Variants in COL18A1 observed in about 807,000 individuals in gnomAD.
The protein encoded by COL18A1 is collagen type XVIII alpha 1 chain.
Under a neutral mutation model 168.0 loss-of-function variants are expected in COL18A1, and 133 were observed. The ratio of observed to expected loss-of-function variants is 0.79; its 90% CI spans 0.69 to 0.91. The LOEUF is 0.91. Ranked by LOEUF, COL18A1 falls within the 40% of genes least tolerant of loss-of-function variation. The pLI is 0.00. For missense variants in COL18A1, 2,126 were observed against 1,925.4 expected (o/e 1.10, Z -1.95); for synonymous variants, 949 against 809.0 (o/e 1.17, Z -2.94).
chr21:45,510,688 C>T (rs1466359250), intron 40 of COL18A1, among the ~76,000 whole-genome samples: 1 of 152,198 alleles, frequency 6.6e-6, no homozygotes, highest in Non-Finnish European at 1.5e-5. Flanking sequence ...TTCTGTGGCC[C>T]CTTTTCGTGC....
intron 2 of COL18A1, among the ~76,000 whole-genome samples, chr21:45,415,643 G>A (rs532273696): frequency 1.4e-4 from 22 of 152,304 alleles, no homozygotes; most frequent in Admixed American, 7.2e-4. Flanking sequence ...AAGTGCAGGC[G>A]GTGCCATTGA....
At position 45,509,584 on chromosome 21, in the gene COL18A1, C is replaced by A; in HGVS notation, c.3478C>A (p.Arg1160Ser). Residue 1160 changes from arginine to serine, a missense_variant, in exon 39 of 42, where the codon CGC (arginine) becomes AGC (serine). Arg to Ser is a moderately radical substitution (Grantham distance 110). Coordinates refer to ENST00000651438, the MANE Select transcript of COL18A1 (RefSeq NM_001379500.1). The stretch of plus-strand genomic sequence containing the variant: ...CACAAGCCCACCCGCCCACAGCCAC[C>A]GCGACTTCCAGCCGGTGGTGAGTGC... ...RPTSPPAHSH[R>S]DFQPVLHLVA... is the part of the protein sequence containing the mutation. 1 of 1,518,638 alleles carries A rather than the reference C, an allele frequency of 6.6e-7. No homozygotes were observed. The highest frequency in any genetic ancestry group is 1.4e-5 in the African/African-American group (1 of 71,824). The allele number at this position is 1,518,638 out of a possible 1,614,324, so 94.1% of individuals were successfully genotyped here. A position where few individuals can be genotyped will look rare whatever the true frequency, so the allele number is the denominator to read the frequency against.
chr21:45,494,338 T>A, intron 26 of COL18A1: 27 of 589,276 alleles, frequency 4.6e-5, no homozygotes, highest in East Asian at 7.2e-5. Flanking sequence ...GACCCTCCCC[T>A]CACCAGTGGC....
At chr21:45,454,179 G>C (rs1054221235) in intron 2 of COL18A1, among the ~76,000 whole-genome samples, 2 of 152,192 alleles carry the variant, frequency 1.3e-5, no homozygotes, top group African/African-American at 4.8e-5. Flanking sequence ...TGGAATGCCT[G>C]CGCCTGCCCT....
intron 29 of COL18A1, chr21:45,495,773 A>G (rs2036516926): frequency 1.4e-5 from 5 of 363,096 alleles, no homozygotes; most frequent in South Asian, 9.0e-5. Flanking sequence ...TACACTCCAC[A>G]TAGGTGCACA....
Position 45,435,800 on chromosome 21 carries a change from G to A in COL18A1, c.106+30327G>A, listed in dbSNP as rs578083844. The stretch of plus-strand genomic sequence containing the variant: ...CGTCCCCCCGGCGCTCCCTGGCACA[G>A]GTCTGCTCGGAGGGTGTCGGCCTCC... On this transcript the variant is annotated intron_variant, in intron 2 of 41. Transcript: ENST00000651438. Among the ~76,000 whole-genome samples, 8 of 152,188 alleles carry A rather than the reference G, an allele frequency of 5.3e-5. No individual in the cohort carries two copies. The South Asian group carries it at 8.3e-4, about 16-fold the overall frequency.
rs191733882 is a variant in COL18A1, at chr21:45,453,439, G to A, written c.107-14803G>A. Among the ~76,000 whole-genome samples the A allele has an allele frequency of 1.0e-3, 159 of 152,330 alleles. 1 individual carries two copies. Among genetic ancestry groups the A allele is most frequent in the Non-Finnish European group, 1.9e-3 (128 of 68,026 alleles). ...TGAGCATGTGCGTACACATGCGTGCGTTTGAGTGATGATGTGAGGAGGCTT... is the reference window on the plus strand; with the variant it reads ...TGAGCATGTGCGTACACATGCGTGCATTTGAGTGATGATGTGAGGAGGCTT... On this transcript the variant is annotated intron_variant, in intron 2 of 41. Transcript: ENST00000651438.
intron 16 of COL18A1, 100 bp from the exon 17 acceptor site, chr21:45,487,347 A>C: frequency 1.4e-6 from 2 of 1,413,488 alleles, no homozygotes; most frequent in Non-Finnish European, 9.8e-7. Flanking sequence ...CCGTGGCCCC[A>C]AAGCATGTCC....
chr21:45,412,235 T>TC (rs2033319643), intron 2 of COL18A1, among the ~76,000 whole-genome samples: 1 of 133,838 alleles, frequency 7.5e-6, no homozygotes, highest in Non-Finnish European at 1.6e-5. Context: ...GGGGGTATAT[T>TC]TCTTTTTTTT....
chr21:45,456,487 C>T (rs1245690868), intron 2 of COL18A1: 2 of 1,548,002 alleles, frequency 1.3e-6, no homozygotes, highest in Non-Finnish European at 1.7e-6. Context: ...TTGCTAATAA[C>T]TCTGCCCTGC....
chr21:45,505,149 A>G lies in COL18A1; in HGVS notation c.2884A>G (p.Ser962Gly). ...YPGIPGPKGE[S>G]IRGQPGPPGP... ...CCGTCCGTAGGGTCCCAAGGGAGAG[A>G]GCATCCGGGGCCAGCCCGGCCCACC... The change falls in exon 35 of 42, where the codon AGC becomes GGC. Residue 962 changes from serine to glycine, a missense_variant. Transcript: ENST00000651438. 1.2e-6 allele frequency: 2 copies of G among 1,609,216 alleles called. No individual in the cohort carries two copies. Among genetic ancestry groups the G allele is most frequent in the Non-Finnish European group, 1.7e-6 (2 of 1,178,724 alleles).
intron 37 of COL18A1, chr21:45,506,752 T>TCCCACCTTCCCTCTAGCATG (rs1568945730): frequency 3.5e-5 from 1 of 28,906 alleles, no homozygotes; most frequent in African/African-American, 1.9e-4. Context: ...TCTAGAGCCC[T>TCCCACCTTCCCTCTAGCATG]CCCACCTTCC....
At position 45,495,821 on chromosome 21, in the gene COL18A1, G is replaced by A. The variant is rs1199278389; in HGVS notation, c.2508+389G>A. 18 of 335,310 alleles carry A rather than the reference G, an allele frequency of 5.4e-5. No individual in the cohort carries two copies. The Admixed American group carries it at 5.7e-4, about 11-fold the overall frequency. 20.8% of individuals were successfully genotyped at this position (335,310 alleles called of 1,614,324 possible). Reference sequence around the variant, plus strand: ...TTCATGCATATACGAGCCTGTCCACGTGCACACCCATACAGGTATATACAT... The same window carrying A: ...TTCATGCATATACGAGCCTGTCCACATGCACACCCATACAGGTATATACAT... On this transcript the variant is annotated intron_variant, in intron 29 of 41. Coordinates refer to ENST00000651438, the MANE Select transcript of COL18A1 (RefSeq NM_001379500.1).
intron 32 of COL18A1, among the ~76,000 whole-genome samples, chr21:45,499,657 G>C (rs1395734625): frequency 6.6e-6 from 1 of 151,972 alleles, no homozygotes; most frequent in African/African-American, 2.4e-5. Flanking sequence ...GTGTCCCATC[G>C]TCAGTGCAAT....
At chr21:45,416,116 G>A (rs866539674) in intron 2 of COL18A1, among the ~76,000 whole-genome samples, 1 of 152,226 alleles carries the variant, frequency 6.6e-6, no homozygotes, top group South Asian at 2.1e-4. Flanking sequence ...GGCCCTTCCT[G>A]TGGGGCCCGT....
At chr21:45,416,352 G>C (rs575869986) in intron 2 of COL18A1, among the ~76,000 whole-genome samples, 1 of 152,134 alleles carries the variant, frequency 6.6e-6, no homozygotes, top group Admixed American at 6.5e-5. Context: ...AACTGGGGCC[G>C]GTGTGGGGGT....
intron 3 of COL18A1, among the ~76,000 whole-genome samples, chr21:45,470,343 C>T (rs2035365371): frequency 1.3e-5 from 2 of 150,866 alleles, no homozygotes; most frequent in African/African-American, 4.9e-5. Flanking sequence ...TATACAAACT[C>T]CTTATCTTTA....
rs1392844393 is a variant in COL18A1 at position 45,495,354 on chromosome 21, C to G, written c.2434-4C>G. The G allele has an allele frequency of 2.1e-5, 33 of 1,606,654 alleles. No homozygotes were observed. The highest frequency in any genetic ancestry group is 2.8e-5 in the Non-Finnish European group (33 of 1,176,448). Reference sequence around the variant, plus strand: ...CAGTCCCCACCCCCTGTGCTCCGCCCCAGGGTCGCCCCGGGATGAACGGAT... The same window carrying G: ...CAGTCCCCACCCCCTGTGCTCCGCCGCAGGGTCGCCCCGGGATGAACGGAT... On this transcript the variant is annotated splice_region_variant and splice_polypyrimidine_tract_variant and intron_variant, in intron 28 of 41. Coordinates refer to ENST00000651438, the MANE Select transcript of COL18A1 (RefSeq NM_001379500.1).
In COL18A1 at chr21:45,500,481, G is replaced by C. The variant is rs757347789; in HGVS notation, c.2683+2820G>C. Among the ~76,000 whole-genome samples the C allele has an allele frequency of 1.5e-3, 92 of 60,560 alleles. 6 individuals are homozygous for C. The highest frequency in any genetic ancestry group is 2.7e-3 in the Non-Finnish European group (83 of 30,666). 39.7% of individuals were successfully genotyped at this position (60,560 alleles called of 152,430 possible). On this transcript the variant is annotated intron_variant, in intron 32 of 41. Coordinates refer to ENST00000651438, the MANE Select transcript of COL18A1 (RefSeq NM_001379500.1). ...GGTGTGTAGTGTGGGGGTGTGGTTT[G>C]GTGTGTTGCGTGTGTAGTGTGGGGG...
Sources: allele counts gnomAD v4.1 joint callset (sites outside exome capture counted in the v4.1 genomes callset), GRCh38; gene constraint gnomAD v4.1.1; transcripts MANE v1.5; gene names NCBI Gene and HGNC (gene_info 2026-07-23, HGNC 2026-07-21).